The following KIRREL3 variants were observed in gnomAD, a reference collection of about 807,000 sequenced individuals.
The protein encoded by KIRREL3 is kin of IRRE-like protein 3.
Under a neutral mutation model 89.7 loss-of-function variants are expected in KIRREL3, and 36 were observed. The ratio of observed to expected loss-of-function variants is 0.40; its 90% CI spans 0.31 to 0.53. KIRREL3 has a LOEUF of 0.53. Among genes scored for constraint, KIRREL3 ranks in the 20% least tolerant of loss-of-function variants. The pLI, the probability that KIRREL3 is intolerant of heterozygous loss-of-function variation, is 0.49. For synonymous variants in KIRREL3, 445 were observed against 441.4 expected (o/e 1.01, Z -0.10); for missense variants, 864 against 1,056.6 (o/e 0.82, Z 2.53).
chr11:126,447,678 G>A (rs773178955), intron 8 of KIRREL3, among the ~76,000 whole-genome samples: 16 of 152,172 alleles, frequency 1.1e-4, no homozygotes, highest in African/African-American at 2.4e-4. Flanking sequence ...AGTGGGGGCC[G>A]TGTGGGGATT....
At position 126,656,265 on chromosome 11, in the gene KIRREL3, G is replaced by A. The variant is rs752068972; in HGVS notation, c.56-93353C>T. The A allele has an allele frequency of 1.6e-4, 66 of 409,824 alleles. No individual in the cohort carries two copies. The highest frequency in any genetic ancestry group is 2.9e-4 in the Non-Finnish European group (58 of 200,416). The allele number at this position is 409,824 out of a possible 1,614,324, so 25.4% of individuals were successfully genotyped here. A position where few individuals can be genotyped will look rare whatever the true frequency, so the allele number is the denominator to read the frequency against. On this transcript the variant is annotated intron_variant, in intron 1 of 16. Coordinates refer to ENST00000525144, the MANE Select transcript of KIRREL3 (RefSeq NM_032531.4). The surrounding 1 kb of genome is among the most constrained non-coding windows in gnomAD (Gnocchi z 4.0). The stretch of plus-strand genomic sequence containing the variant: ...GTTCATATCTGTGAGATATCAGGCT[G>A]GTTTCTTAACCATAACCTCCATGAT...
intron 9 of KIRREL3, 86 bp from the exon 10 acceptor site, chr11:126,445,191 C>T: frequency 6.6e-7 from 1 of 1,520,708 alleles, no homozygotes; most frequent in Non-Finnish European, 8.9e-7. Context: ...AGAGGCTGGC[C>T]TGGGGTAACT....
At chr11:126,774,740 G>A (rs1565720973) in intron 1 of KIRREL3, among the ~76,000 whole-genome samples, 1 of 152,168 alleles carries the variant, frequency 6.6e-6, no homozygotes, top group Non-Finnish European at 1.5e-5. Context: ...GGCTGGGTTG[G>A]TTTCTCCAGG....
chr11:126,703,828 C>T lies in KIRREL3; in HGVS notation c.56-140916G>A, dbSNP rs933440110. Reference sequence around the variant, plus strand: ...ATCCTTCTCTCTTGGCTCTGTCATCCTTGCCTTGGGATGTCCTCCCAACAC... The same window carrying T: ...ATCCTTCTCTCTTGGCTCTGTCATCTTTGCCTTGGGATGTCCTCCCAACAC... On this transcript the variant is annotated intron_variant, in intron 1 of 16. Transcript: ENST00000525144. This position sits in a 1 kb window ranked among gnomAD's most constrained non-coding sequence, Gnocchi z 4.6. Among the ~76,000 whole-genome samples, 2 of 152,208 alleles carry T rather than the reference C, an allele frequency of 1.3e-5. No individual in the cohort carries two copies. Among genetic ancestry groups the T allele is most frequent in the African/African-American group, 4.8e-5 (2 of 41,454 alleles).
chr11:126,803,592 T>C (rs1951108661), intron 1 of KIRREL3, among the ~76,000 whole-genome samples: 1 of 152,186 alleles, frequency 6.6e-6, no homozygotes, highest in Non-Finnish European at 1.5e-5. Flanking sequence ...TTGGCTACTG[T>C]AGAATCAGAT....
In KIRREL3 at chr11:126,764,375, G is replaced by T. The variant is rs1402637229; in HGVS notation, c.56-201463C>A. On this transcript the variant is annotated intron_variant, in intron 1 of 16. Coordinates refer to ENST00000525144, the MANE Select transcript of KIRREL3 (RefSeq NM_032531.4). This position sits in a 1 kb window ranked among gnomAD's most constrained non-coding sequence, Gnocchi z 4.2. The stretch of plus-strand genomic sequence containing the variant: ...ACAGCATTGGGCTGACACCTGCATC[G>T]AATGGAAGCTACACATTTCTGTCCT... Among the ~76,000 whole-genome samples, 1 of 152,106 alleles carries T rather than the reference G, an allele frequency of 6.6e-6. No individual in the cohort carries two copies. The highest frequency in any genetic ancestry group is 1.5e-5 in the Non-Finnish European group (1 of 68,018).
rs571591816 is a variant in KIRREL3, at chr11:126,430,853, A to C, written c.1696+566T>G. Reference sequence around the variant, plus strand: ...GTCTTCACCTGTTCTCTGCCATCCAATCTCTCACACGTTATCTCCTCGGTG... The same window carrying C: ...GTCTTCACCTGTTCTCTGCCATCCACTCTCTCACACGTTATCTCCTCGGTG... On this transcript the variant is annotated intron_variant, in intron 14 of 16. Transcript: ENST00000525144. The surrounding 1 kb of genome is among the most constrained non-coding windows in gnomAD (Gnocchi z 6.6). The C allele has an allele frequency of 4.5e-6, 2 of 447,630 alleles. No homozygotes were observed. Among genetic ancestry groups the C allele is most frequent in the Non-Finnish European group, 3.0e-6 (1 of 336,382 alleles). 27.7% of individuals were successfully genotyped at this position (447,630 alleles called of 1,614,324 possible). A position where few individuals can be genotyped will look rare whatever the true frequency, so the allele number is the denominator to read the frequency against.
At chr11:126,967,454 G>A (rs1949303679) in intron 1 of KIRREL3, among the ~76,000 whole-genome samples, 1 of 152,034 alleles carries the variant, frequency 6.6e-6, no homozygotes, top group Admixed American at 6.6e-5. Context: ...TTCACTTCAG[G>A]AGCTGCCTTG....
chr11:126,909,381 C>G lies in KIRREL3; in HGVS notation c.55+91074G>C, dbSNP rs540922257. The stretch of plus-strand genomic sequence containing the variant: ...GAGAGCAAGGACGCATTGCACTCAT[C>G]CTTGCATATCTGTAGCTCCACCTCA... On this transcript the variant is annotated intron_variant, in intron 1 of 16. Coordinates refer to ENST00000525144, the MANE Select transcript of KIRREL3 (RefSeq NM_032531.4). This position sits in a 1 kb window ranked among gnomAD's most constrained non-coding sequence, Gnocchi z 4.5. Among the ~76,000 whole-genome samples the G allele has an allele frequency of 6.6e-6, 1 of 152,338 alleles. No individual in the cohort carries two copies. Among genetic ancestry groups the G allele is most frequent in the Non-Finnish European group, 1.5e-5 (1 of 68,040 alleles).
chr11:126,941,046 C>A (rs939024877), intron 1 of KIRREL3: 2 of 152,168 alleles, frequency 1.3e-5, no homozygotes, highest in Non-Finnish European at 2.9e-5. Context: ...GAAAACAACA[C>A]ATACGGGAGA....
At chr11:126,895,609 G>A (rs1468710155) in intron 1 of KIRREL3, among the ~76,000 whole-genome samples, 1 of 152,114 alleles carries the variant, frequency 6.6e-6, no homozygotes, top group African/African-American at 2.4e-5. Flanking sequence ...GGAACTGAAG[G>A]CCAGAACCTG....
rs1943869777 is a variant in KIRREL3, at chr11:126,628,141, G to A, written c.56-65229C>T. Among the ~76,000 whole-genome samples, 1 of 152,220 alleles carries A rather than the reference G, an allele frequency of 6.6e-6. No homozygotes were observed. The highest frequency in any genetic ancestry group is 6.5e-5 in the Admixed American group (1 of 15,288). ...CAGAGAGAAGTCTTTGCTCAGACAA[G>A]ACTGGTCCCTCTGAACACACTTCGC... On this transcript the variant is annotated intron_variant, in intron 1 of 16. Coordinates refer to ENST00000525144, the MANE Select transcript of KIRREL3 (RefSeq NM_032531.4). This position sits in a 1 kb window ranked among gnomAD's most constrained non-coding sequence, Gnocchi z 5.2.
Position 126,917,996 on chromosome 11 carries a change from A to G in KIRREL3, c.55+82459T>C, listed in dbSNP as rs1441129050. On this transcript the variant is annotated intron_variant, in intron 1 of 16. Coordinates refer to ENST00000525144, the MANE Select transcript of KIRREL3 (RefSeq NM_032531.4). The surrounding 1 kb of genome is among the most constrained non-coding windows in gnomAD (Gnocchi z 5.0). ...ACTCATCTCTCCAAGCTGGGTTTCC[A>G]TAAGACTCCACACTGATCTCTGGCA... Among the ~76,000 whole-genome samples, 1 of 152,182 alleles carries G rather than the reference A, an allele frequency of 6.6e-6. No individual in the cohort carries two copies. Among genetic ancestry groups the G allele is most frequent in the Non-Finnish European group, 1.5e-5 (1 of 68,036 alleles).
intron 1 of KIRREL3, among the ~76,000 whole-genome samples, chr11:126,706,098 T>C (rs920256025): frequency 6.6e-6 from 1 of 152,210 alleles, no homozygotes; most frequent in Non-Finnish European, 1.5e-5. Flanking sequence ...TTCAGATGAC[T>C]GCAGCCCCCG....
chr11:126,871,720 A>G (rs768049496), intron 1 of KIRREL3, among the ~76,000 whole-genome samples: 59 of 152,334 alleles, frequency 3.9e-4, no homozygotes, highest in Non-Finnish European at 6.8e-4. Context: ...GATAATGGGC[A>G]GAAAGGAGCT....
intron 4 of KIRREL3, among the ~76,000 whole-genome samples, chr11:126,509,362 C>T (rs1005771728): frequency 6.6e-6 from 1 of 152,194 alleles, no homozygotes; most frequent in African/African-American, 2.4e-5. Context: ...ACCCTCCAAG[C>T]TTGGCTTCAG....
At chr11:126,777,231 C>T (rs1950194363) in intron 1 of KIRREL3, among the ~76,000 whole-genome samples, 1 of 152,222 alleles carries the variant, frequency 6.6e-6, no homozygotes, top group Non-Finnish European at 1.5e-5. Context: ...AGGCTGCAGA[C>T]ATCCTACAAT....
In KIRREL3 at chr11:126,844,208, G is replaced by A. The variant is rs573176915; in HGVS notation, c.55+156247C>T. 5.3e-5 allele frequency among the ~76,000 whole-genome samples: 8 copies of A among 152,004 alleles called. No homozygotes were observed. The highest frequency in any genetic ancestry group is 8.8e-5 in the Non-Finnish European group (6 of 67,998). On this transcript the variant is annotated intron_variant, in intron 1 of 16. Coordinates refer to ENST00000525144, the MANE Select transcript of KIRREL3 (RefSeq NM_032531.4). This position sits in a 1 kb window ranked among gnomAD's most constrained non-coding sequence, Gnocchi z 4.8. ...AACTTTGGGTAAGTGGTGGGGGTCC[G>A]GTAACATCTTTCTGGTGACCACAGA...
At chr11:126,444,858 G>T (rs1441078952) in intron 10 of KIRREL3, 121 bp downstream of exon 10, 2 of 1,320,824 alleles carry the variant, frequency 1.5e-6, no homozygotes, top group East Asian at 2.4e-5. Context: ...TCTACCCATA[G>T]TTGGAGGTGA....
Sources: gnomAD v4.1 joint callset for allele counts (sites outside exome capture counted in the v4.1 genomes callset) on GRCh38, gnomAD v4.1.1 for gene constraint, Gnocchi (gnomAD v3.1) non-coding constraint, MANE v1.5 for transcripts, NCBI Gene and HGNC (gene_info 2026-07-23, HGNC 2026-07-21) for gene names.